Variants in SUCLG2 observed in about 807,000 individuals in gnomAD.
SUCLG2 encodes succinate--CoA ligase [GDP-forming] subunit beta, mitochondrial.
In SUCLG2, 42 loss-of-function variants were observed where a neutral mutation model predicts 47.9. That is an observed-to-expected ratio of 0.88 (90% CI 0.69 to 1.14). The LOEUF (loss-of-function observed/expected upper bound fraction) is 1.14, where lower values mean the gene tolerates loss of function less well. Among genes scored for constraint, SUCLG2 ranks in the 50% most tolerant of loss-of-function variants. The pLI, the probability that SUCLG2 is intolerant of heterozygous loss-of-function variation, is 0.00. For synonymous variants in SUCLG2, 195 were observed against 197.3 expected (o/e 0.99, Z 0.10); for missense variants, 571 against 525.9 (o/e 1.09, Z -0.84).
intron 1 of SUCLG2, among the ~76,000 whole-genome samples, chr3:67,641,573 T>C (rs545325033): frequency 1.3e-5 from 2 of 152,352 alleles, no homozygotes; most frequent in African/African-American, 4.8e-5. Flanking sequence ...TCTGGAGGTC[T>C]GTGAGGTCAA....
chr3:67,470,724 T>C (rs1704583921), intron 9 of SUCLG2, among the ~76,000 whole-genome samples: 1 of 152,238 alleles, frequency 6.6e-6, no homozygotes, highest in Non-Finnish European at 1.5e-5. Flanking sequence ...CCTCCCAGCC[T>C]CTAGAACTGT....
At chr3:67,522,887 A>G (rs1000976458) in intron 4 of SUCLG2, among the ~76,000 whole-genome samples, 1 of 151,724 alleles carries the variant, frequency 6.6e-6, no homozygotes, top group African/African-American at 2.4e-5. Flanking sequence ...GATGGTCTCA[A>G]TCTCCTGACC....
chr3:67,430,029 T>A (rs945875173), intron 9 of SUCLG2, among the ~76,000 whole-genome samples: 1 of 152,084 alleles, frequency 6.6e-6, no homozygotes, highest in Admixed American at 6.6e-5. Context: ...CTATCAACAT[T>A]AGACAGATCA....
At position 67,422,897 on chromosome 3, in the gene SUCLG2, C is replaced by A. The variant is rs551746270; in HGVS notation, c.1063-22046G>T. On this transcript the variant is annotated intron_variant, in intron 9 of 10. Coordinates refer to ENST00000307227, the MANE Select transcript of SUCLG2 (RefSeq NM_003848.4). Reference sequence around the variant, plus strand: ...AATACTCAGAAGGTTGTGAGGACACCCATCACATTAGGTGGAAGCTTCTGG... The same window carrying A: ...AATACTCAGAAGGTTGTGAGGACACACATCACATTAGGTGGAAGCTTCTGG... 3.3e-5 allele frequency among the ~76,000 whole-genome samples: 5 copies of A among 152,058 alleles called. No individual in the cohort carries two copies. The East Asian group carries it at 9.7e-4, about 29-fold the overall frequency.
intron 1 of SUCLG2, among the ~76,000 whole-genome samples, chr3:67,636,887 G>A (rs1701020484): frequency 6.6e-6 from 1 of 151,358 alleles, no homozygotes; most frequent in Admixed American, 6.6e-5. Flanking sequence ...ACCCAAAACA[G>A]ACAACATCCA....
chr3:67,487,396 C>T (rs897152971), intron 9 of SUCLG2, among the ~76,000 whole-genome samples: 5 of 151,860 alleles, frequency 3.3e-5, no homozygotes, highest in Admixed American at 2.6e-4. Context: ...AGTGAGACAT[C>T]AAAATTTATA....
At chr3:67,452,827 GC>G (rs1559531965) in intron 9 of SUCLG2, among the ~76,000 whole-genome samples, 2 of 152,156 alleles carry the variant, frequency 1.3e-5, no homozygotes, top group African/African-American at 4.8e-5. Flanking sequence ...TCAATTAGTA[GC>G]TTTGTTTACA....
chr3:67,615,615 AACACAAAC>A (rs1700611930), intron 1 of SUCLG2, among the ~76,000 whole-genome samples: 2 of 84,504 alleles, frequency 2.4e-5, no homozygotes, highest in South Asian at 3.1e-4. Flanking sequence ...CACAAACACA[AACACAAAC>A]ACACACACAC....
intron 9 of SUCLG2, among the ~76,000 whole-genome samples, chr3:67,425,299 C>T (rs1479955990): frequency 6.6e-6 from 1 of 152,092 alleles, no homozygotes; most frequent in East Asian, 1.9e-4. Flanking sequence ...ATTATTTATC[C>T]CTAGAATTAA....
chr3:67,578,491 T>C (rs988280688), intron 2 of SUCLG2, among the ~76,000 whole-genome samples: 3 of 151,888 alleles, frequency 2.0e-5, no homozygotes, highest in Admixed American at 1.3e-4. Flanking sequence ...ATGTGAAAAA[T>C]GTGTATGCCA....
intron 9 of SUCLG2, among the ~76,000 whole-genome samples, chr3:67,446,375 A>T (rs865863381): frequency 1.4e-3 from 74 of 51,890 alleles, no homozygotes; most frequent in Middle Eastern, 0.014. Flanking sequence ...AAAAAAAAAA[A>T]GAAATTAGAT....
chr3:67,585,373 G>T (rs146311216), intron 2 of SUCLG2, among the ~76,000 whole-genome samples: 2,565 of 152,300 alleles, frequency 0.017, 36 homozygotes, highest in Non-Finnish European at 0.025. Context: ...ACCATGGAAA[G>T]AACATGAAGC....
chr3:67,585,980 A>AC (rs1158048801), intron 2 of SUCLG2, among the ~76,000 whole-genome samples: 9 of 48,716 alleles, frequency 1.8e-4, no homozygotes, highest in Non-Finnish European at 4.6e-4. Context: ...AAAAAAAAAA[A>AC]AAAAAAAAAA....
intron 9 of SUCLG2, among the ~76,000 whole-genome samples, chr3:67,466,862 G>C (rs1704485494): frequency 6.6e-6 from 1 of 152,304 alleles, no homozygotes; most frequent in East Asian, 1.9e-4. Context: ...GAACAACCAA[G>C]ATACAAAGAT....
intron 2 of SUCLG2, among the ~76,000 whole-genome samples, chr3:67,593,258 G>T (rs754097114): frequency 8.8e-5 from 12 of 135,944 alleles, no homozygotes; most frequent in Non-Finnish European, 1.4e-4. Flanking sequence ...TATTCAATTG[G>T]TCTAACACAT....
At chr3:67,483,612 G>A (rs1213766431) in intron 9 of SUCLG2, among the ~76,000 whole-genome samples, 3 of 152,170 alleles carry the variant, frequency 2.0e-5, no homozygotes, top group Non-Finnish European at 2.9e-5. Context: ...TGAACAAGAC[G>A]AGATGTATTT....
At chr3:67,532,441 G>A (rs74280232) in intron 2 of SUCLG2, among the ~76,000 whole-genome samples, 4,611 of 152,232 alleles carry the variant, frequency 0.03, 159 homozygotes, top group East Asian at 0.17. Flanking sequence ...TATAGAAGTA[G>A]ACAACAACCT....
intron 7 of SUCLG2, among the ~76,000 whole-genome samples, chr3:67,499,378 G>A (rs1025741909): frequency 6.6e-6 from 1 of 152,062 alleles, no homozygotes; most frequent in African/African-American, 2.4e-5. Context: ...CCCTTGATTC[G>A]TGCAGGACCA....
intron 1 of SUCLG2, among the ~76,000 whole-genome samples, chr3:67,641,399 C>G (rs988644570): frequency 4.6e-5 from 7 of 152,156 alleles, no homozygotes; most frequent in African/African-American, 1.4e-4. Context: ...TCAGAGACTC[C>G]AGAAGTGCCA....
Sources: gnomAD v4.1 joint callset for allele counts (sites outside exome capture counted in the v4.1 genomes callset) on GRCh38, gnomAD v4.1.1 for gene constraint, MANE v1.5 for transcripts, NCBI Gene and HGNC (gene_info 2026-07-23, HGNC 2026-07-21) for gene names.